UROC1: variants seen among roughly 807,000 people sequenced by gnomAD.
The protein encoded by UROC1 is urocanate hydratase 1.
In UROC1, 79 loss-of-function variants were observed where a neutral mutation model predicts 89.5. The observed-to-expected ratio is 0.88, with a 90% CI of 0.74 to 1.06. The LOEUF (loss-of-function observed/expected upper bound fraction) is 1.06, where lower values mean the gene tolerates loss of function less well. Among genes scored for constraint, UROC1 ranks in the 50% least tolerant of loss-of-function variants. UROC1 has a pLI of 0.00. For missense variants in UROC1, 885 were observed against 907.8 expected (o/e 0.97, Z 0.32); for synonymous variants, 361 against 354.8 (o/e 1.02, Z -0.20).
intron 6 of UROC1, 66 bp from the exon 7 acceptor site, chr3:126,506,077 C>T: frequency 6.3e-7 from 1 of 1,588,368 alleles, no homozygotes; most frequent in African/African-American, 1.3e-5. Context: ...CTCCCAGCCA[C>T]TCCTTTTAGG....
intron 7 of UROC1, 25 bp from the exon 8 acceptor site, chr3:126,505,869 C>T (rs760154027): frequency 1.2e-6 from 2 of 1,612,534 alleles, no homozygotes; most frequent in African/African-American, 1.3e-5. Flanking sequence ...GGTGGGGGCT[C>T]ACTGCCCACT....
At chr3:126,499,093 CCT>C (rs1290801348) in intron 13 of UROC1, among the ~76,000 whole-genome samples, 3 of 151,920 alleles carry the variant, frequency 2.0e-5, no homozygotes, top group Non-Finnish European at 4.4e-5. Context: ...CCCGCAGCCC[CCT>C]GTTCTCACTG....
intron 1 of UROC1, among the ~76,000 whole-genome samples, chr3:126,515,503 C>G: frequency 7.2e-6 from 1 of 138,952 alleles, no homozygotes; most frequent in South Asian, 2.4e-4. Context: ...ACCCCTTCCA[C>G]TCCCCAGTAC....
intron 15 of UROC1, among the ~76,000 whole-genome samples, chr3:126,494,463 C>T (rs1375738329): frequency 6.6e-6 from 1 of 152,194 alleles, no homozygotes; most frequent in African/African-American, 2.4e-5. Flanking sequence ...GACTCAGCAC[C>T]GTCACAGAGA....
chr3:126,501,898 G>A (rs2107543934), intron 9 of UROC1: 1 of 1,599,344 alleles, frequency 6.3e-7, no homozygotes, highest in Middle Eastern at 1.7e-4. Flanking sequence ...TCCCAGGGCA[G>A]CAGGGAGGCC....
Position 126,496,089 on chromosome 3 carries a change from C to T in UROC1, c.1458G>A (p.Leu486=). The change falls in exon 15 of 20, where the codon CTG becomes CTA. Residue 486 remains leucine, a synonymous_variant. Transcript: ENST00000290868. ...TCCAGCGGATGTTGTCCATGTACTGCAGCTTCACAGACACCTTCACTGCAG... is the reference window on the plus strand; with the variant it reads ...TCCAGCGGATGTTGTCCATGTACTGTAGCTTCACAGACACCTTCACTGCAG... ...IADGVKVSVK[L]QYMDNIRWIR... The T allele has an allele frequency of 6.2e-7, 1 of 1,613,354 alleles. No individual in the cohort carries two copies. The highest frequency in any genetic ancestry group is 8.5e-7 in the Non-Finnish European group (1 of 1,179,960).
In UROC1 at chr3:126,482,491, G is replaced by A. The variant is rs752741319; in HGVS notation, c.1891-6C>T. ...GACCAGCAGCGCCGGGCCACCTAGG[G>A]CAAGGAGGGGGATAGCAGTCCATGT... On this transcript the variant is annotated splice_polypyrimidine_tract_variant and splice_region_variant and intron_variant, in intron 19 of 19. Transcript: ENST00000290868. 16 of 1,613,758 alleles carry A rather than the reference G, an allele frequency of 9.9e-6. No homozygotes were observed. In the African/African-American group the frequency reaches 2.0e-4, roughly 20 times the overall value.
intron 17 of UROC1, among the ~76,000 whole-genome samples, chr3:126,489,065 G>C (rs1935583723): frequency 6.6e-6 from 1 of 152,134 alleles, no homozygotes; most frequent in Non-Finnish European, 1.5e-5. Flanking sequence ...CCAAGTCCAG[G>C]GCACCCAGCT....
intron 9 of UROC1, chr3:126,501,806 G>A (rs781047690): frequency 1.9e-6 from 3 of 1,599,478 alleles, no homozygotes; most frequent in Non-Finnish European, 2.5e-6. Flanking sequence ...CTTACCAGGA[G>A]TGGCCTGGAG....
chr3:126,508,980 T>C (rs1936132243), intron 3 of UROC1, among the ~76,000 whole-genome samples: 1 of 152,142 alleles, frequency 6.6e-6, no homozygotes, highest in South Asian at 2.1e-4. Context: ...TCAGCTCTGC[T>C]CCTTGCATAG....
intron 1 of UROC1, among the ~76,000 whole-genome samples, chr3:126,514,084 C>T (rs1165914264): frequency 6.6e-6 from 1 of 152,242 alleles, no homozygotes; most frequent in Non-Finnish European, 1.5e-5. Flanking sequence ...GCCACCTCTT[C>T]CAAGAAGTCC....
At chr3:126,509,729 A>T in intron 2 of UROC1, 51 bp from the exon 3 acceptor site, 1 of 1,513,374 alleles carries the variant, frequency 6.6e-7, no homozygotes, top group East Asian at 2.5e-5. Flanking sequence ...AAAGCACAGC[A>T]TCTAGCCTGG....
In UROC1 at chr3:126,482,499, G is replaced by C; in HGVS notation, c.1891-14C>G. The C allele has an allele frequency of 6.2e-7, 1 of 1,613,802 alleles. No individual in the cohort carries two copies. Among genetic ancestry groups the C allele is most frequent in the Non-Finnish European group, 8.5e-7 (1 of 1,180,004 alleles). On this transcript the variant is annotated splice_polypyrimidine_tract_variant and intron_variant, in intron 19 of 19. Coordinates refer to ENST00000290868, the MANE Select transcript of UROC1 (RefSeq NM_144639.3). ...GCGCCGGGCCACCTAGGGCAAGGAG[G>C]GGGATAGCAGTCCATGTCAACATAA...
At position 126,500,782 on chromosome 3, in the gene UROC1, C is replaced by T. The variant is rs1935900923; in HGVS notation, c.1058G>A (p.Gly353Asp). ...QTSCHNPFNG[G>D]YYPVQLSFTE... is the part of the protein sequence containing the mutation. ...GAAGCTGAGCTGCACAGGGTAGTAG[C>T]CGCCATTGAACGGGTTGTGGCAGGA... The change falls in exon 11 of 20, where the codon GGC (glycine) becomes GAC (aspartate). Residue 353 changes from glycine (G) to aspartate (D), a missense_variant. Transcript: ENST00000290868. 6.2e-7 allele frequency: 1 copy of T among 1,614,008 alleles called. No homozygotes were observed. The highest frequency in any genetic ancestry group is 1.1e-5 in the South Asian group (1 of 91,086).
At chr3:126,503,663 G>A (rs1214162234) in intron 9 of UROC1, among the ~76,000 whole-genome samples, 2 of 152,240 alleles carry the variant, frequency 1.3e-5, no homozygotes, top group Non-Finnish European at 2.9e-5. Context: ...CCAGGTAAGA[G>A]CATGGGAGCC....
chr3:126,484,277 T>G (rs1433995517), intron 18 of UROC1, among the ~76,000 whole-genome samples: 2 of 152,206 alleles, frequency 1.3e-5, no homozygotes, highest in Non-Finnish European at 2.9e-5. Context: ...ACTGGAGCTG[T>G]TCCCCATCAG....
In UROC1 at chr3:126,501,229, C is replaced by G. The variant is rs778661506; in HGVS notation, c.954G>C (p.Val318=). The change falls in exon 10 of 20, where the codon GTG becomes GTC. Residue 318 remains valine (V), a synonymous_variant. Transcript: ENST00000290868. ...CAACCCCCACTCACCAAAGAGCCACCACGTTGCCATGGTAACCAAGGCTGA... is the reference window on the plus strand; with the variant it reads ...CAACCCCCACTCACCAAAGAGCCACGACGTTGCCATGGTAACCAAGGCTGA... ...EVLSLGYHGN[V]VALWERLVHE... is the part of the protein sequence containing the mutation. The G allele has an allele frequency of 6.2e-7, 1 of 1,614,152 alleles. No individual in the cohort carries two copies. Among genetic ancestry groups the G allele is most frequent in the South Asian group, 1.1e-5 (1 of 91,072 alleles).
chr3:126,510,986 G>A (rs1039536678), intron 1 of UROC1, among the ~76,000 whole-genome samples, 192 bp from the exon 2 acceptor site: 6 of 151,946 alleles, frequency 3.9e-5, no homozygotes, highest in African/African-American at 7.3e-5. Context: ...TTCCCTGATC[G>A]CCCCCTCCTG....
chr3:126,489,288 C>G lies in UROC1; in HGVS notation c.1696G>C (p.Ala566Pro). The G allele has an allele frequency of 1.2e-6, 2 of 1,613,568 alleles. No homozygotes were observed. The highest frequency in any genetic ancestry group is 1.7e-6 in the Non-Finnish European group (2 of 1,179,730). The change falls in exon 17 of 20, where the codon GCC becomes CCC. Residue 566 changes from alanine (A) to proline (P), a missense_variant. Coordinates refer to ENST00000290868, the MANE Select transcript of UROC1 (RefSeq NM_144639.3). ...TCATCTTCCTCACCTGCACAGAAGG[C>G]AGAGCCGTCGTAAATGTTGGAGGTC... The part of the protein sequence containing the change: ...RETSNIYDGS[A>P]FCADMAVQNF...
Sources: gnomAD v4.1 joint callset for allele counts (sites outside exome capture counted in the v4.1 genomes callset) on GRCh38, gnomAD v4.1.1 for gene constraint, MANE v1.5 for transcripts, NCBI Gene and HGNC (gene_info 2026-07-23, HGNC 2026-07-21) for gene names.